Variants in ELAVL2 observed in about 807,000 individuals in gnomAD.
The protein encoded by ELAVL2 is ELAV like RNA binding protein 2.
A neutral mutation model predicts 34.6 loss-of-function variants in ELAVL2; 4 were observed. That is an observed-to-expected ratio of 0.12 (90% CI 0.06 to 0.26). The LOEUF (loss-of-function observed/expected upper bound fraction) is 0.26. Among genes scored for constraint, ELAVL2 ranks in the 10% least tolerant of loss-of-function variants. ELAVL2 has a pLI of 1.00. For missense variants in ELAVL2, 432 were observed against 442.8 expected (o/e 0.98, Z 0.22); for synonymous variants, 193 against 154.8 (o/e 1.25, Z -1.83).
At chr9:23,715,880 T>C (rs968013624) in intron 3 of ELAVL2, among the ~76,000 whole-genome samples, 1 of 152,000 alleles carries the variant, frequency 6.6e-6, no homozygotes, top group African/African-American at 2.4e-5. Context: ...CGGTTGGTAA[T>C]GTGAAAAAAG....
chr9:23,780,769 G>C (rs10966077), intron 1 of ELAVL2, among the ~76,000 whole-genome samples: 1 of 152,204 alleles, frequency 6.6e-6, no homozygotes, highest in African/African-American at 2.4e-5. Context: ...TTTTAGTTCA[G>C]CTCTTCAGGA....
Position 23,762,160 on chromosome 9 carries a change from A to G in ELAVL2, c.75T>C (p.Cys25=), listed in dbSNP as rs2136023018. 2 of 1,613,652 alleles carry G rather than the reference A, an allele frequency of 1.2e-6. No homozygotes were observed. Among genetic ancestry groups the G allele is most frequent in the South Asian group, 1.1e-5 (1 of 91,070 alleles). ...ANGPTTINNN[C]SSPVDSGNTE... ...TGTTCCCAGAGTCAACTGGTGACGA[A>G]CAGTTGTTGTTTATGGTGGTTGGAC... Residue 25 remains cysteine (C), a synonymous_variant, in exon 2 of 7, where the codon TGT becomes TGC. Transcript: ENST00000397312.
chr9:23,846,327 A>T, the ELAVL2 span, among the ~76,000 whole-genome samples: 72 of 152,082 alleles, frequency 4.7e-4, no homozygotes, highest in African/African-American at 1.6e-3. Flanking sequence ...AGTATATCAA[A>T]GTAAACTCTA....
the ELAVL2 span, among the ~76,000 whole-genome samples, chr9:23,836,607 G>A: frequency 1.3e-4 from 20 of 152,080 alleles, no homozygotes; most frequent in Non-Finnish European, 1.5e-5. Flanking sequence ...ACAGTGTTCA[G>A]TCCTCGCTTT....
chr9:23,762,479 C>A (rs1328563719), intron 1 of ELAVL2, among the ~76,000 whole-genome samples: 2 of 152,088 alleles, frequency 1.3e-5, no homozygotes, highest in Admixed American at 1.3e-4. Context: ...CATATAAGCA[C>A]AATTTAAATC....
intron 3 of ELAVL2, among the ~76,000 whole-genome samples, chr9:23,730,761 A>G (rs557766952): frequency 2.6e-5 from 4 of 152,214 alleles, no homozygotes; most frequent in South Asian, 2.1e-4. Context: ...TAAGGGAAGG[A>G]GACTTGATTC....
chr9:23,807,041 C>T (rs974948961), intron 1 of ELAVL2, among the ~76,000 whole-genome samples: 5 of 152,136 alleles, frequency 3.3e-5, no homozygotes, highest in Admixed American at 1.3e-4. Flanking sequence ...CAAAAAAATG[C>T]TATATCCATG....
chr9:23,849,525 C>A, the ELAVL2 span: 1 of 152,142 alleles, frequency 6.6e-6, no homozygotes, highest in Non-Finnish European at 1.5e-5. Flanking sequence ...GGATTTTGAT[C>A]AGGAGTGACC....
At chr9:23,718,677 A>C (rs534424038) in intron 3 of ELAVL2, among the ~76,000 whole-genome samples, 10 of 152,348 alleles carry the variant, frequency 6.6e-5, no homozygotes, top group African/African-American at 4.8e-5. Context: ...TGGGGCTGAC[A>C]TAAGTTATGC....
chr9:23,732,455 A>G (rs2046814746), intron 2 of ELAVL2, among the ~76,000 whole-genome samples: 1 of 152,216 alleles, frequency 6.6e-6, no homozygotes. Flanking sequence ...AGAGAGCTAA[A>G]AACTAATTAG....
At chr9:23,746,158 T>C (rs2050429485) in intron 2 of ELAVL2, among the ~76,000 whole-genome samples, 1 of 152,196 alleles carries the variant, frequency 6.6e-6, no homozygotes, top group African/African-American at 2.4e-5. Context: ...CAAGTGACTT[T>C]ATTTACAAAA....
intron 6 of ELAVL2, 115 bp downstream of exon 6, chr9:23,693,333 C>T (rs528008031): frequency 1.5e-6 from 2 of 1,290,536 alleles, no homozygotes; most frequent in African/African-American, 1.5e-5. Context: ...TTAGGTTGCA[C>T]ATGCAAAATA....
At chr9:23,696,667 T>A (rs2035356193) in intron 5 of ELAVL2, among the ~76,000 whole-genome samples, 1 of 151,950 alleles carries the variant, frequency 6.6e-6, no homozygotes, top group African/African-American at 2.4e-5. Flanking sequence ...GAGACGGGGT[T>A]TCACCATTTA....
intron 2 of ELAVL2, among the ~76,000 whole-genome samples, chr9:23,746,175 T>C (rs575614422): frequency 5.3e-5 from 8 of 152,180 alleles, no homozygotes; most frequent in Non-Finnish European, 1.2e-4. Flanking sequence ...AAAATATGCA[T>C]ACATACATAC....
rs11290732 is a variant in ELAVL2 at position 23,709,451 on chromosome 9, A to AT, written c.334-4381dup. 4.2e-3 allele frequency among the ~76,000 whole-genome samples: 609 copies of AT among 146,690 alleles called. 7 individuals are homozygous for AT. The East Asian group carries it at 0.045, about 11-fold the overall frequency. On this transcript the variant is annotated intron_variant, in intron 3 of 6. Transcript: ENST00000397312. Reference sequence around the variant, plus strand: ...ATTACCAGCAACCTTCTCCATTCCGATTTTTTTTTTTTCCTGTGGATTTAG... The same window carrying AT: ...ATTACCAGCAACCTTCTCCATTCCGATTTTTTTTTTTTTCCTGTGGATTTAG...
intron 3 of ELAVL2, among the ~76,000 whole-genome samples, chr9:23,713,524 G>A (rs966547636): frequency 6.6e-6 from 1 of 152,062 alleles, no homozygotes; most frequent in Admixed American, 6.6e-5. Context: ...AAAAATAGAT[G>A]GGAGTTTTAG....
intron 1 of ELAVL2, among the ~76,000 whole-genome samples, chr9:23,812,605 T>G (rs867273175): frequency 6.6e-6 from 1 of 152,068 alleles, no homozygotes; most frequent in South Asian, 2.1e-4. Context: ...AATCATAGAA[T>G]AGAAGATGCT....
rs1184172042 is a variant in ELAVL2, at chr9:23,702,343, T to TGACTACAGAAGATCACTCCC, written c.488-759_488-740dup. On this transcript the variant is annotated intron_variant, in intron 4 of 6. Coordinates refer to ENST00000397312, the MANE Select transcript of ELAVL2 (RefSeq NM_004432.5). The stretch of plus-strand genomic sequence containing the variant: ...TTTCTGACCTCAGCAGCATCACTCC[T>TGACTACAGAAGATCACTCCC]GACTACAGAAGATCACTCCCTGCCC... Among the ~76,000 whole-genome samples the TGACTACAGAAGATCACTCCC allele has an allele frequency of 2.6e-5, 4 of 152,278 alleles. No individual in the cohort carries two copies. In the East Asian group the frequency reaches 7.7e-4, roughly 29 times the overall value.
intron 3 of ELAVL2, among the ~76,000 whole-genome samples, chr9:23,716,421 A>G (rs2042326200): frequency 6.6e-6 from 1 of 152,180 alleles, no homozygotes. Context: ...GTATAGTGAC[A>G]CCTACCAACA....
Sources: gnomAD v4.1 joint callset for allele counts (sites outside exome capture counted in the v4.1 genomes callset) on GRCh38, gnomAD v4.1.1 for gene constraint, MANE v1.5 for transcripts, NCBI Gene and HGNC (gene_info 2026-07-23, HGNC 2026-07-21) for gene names.